PDZD7: variants seen among roughly 807,000 people sequenced by gnomAD.
PDZD7 encodes the protein PDZ domain containing 7, also known as PDZ domain-containing protein 7.
In PDZD7, 72 loss-of-function variants were observed where a neutral mutation model predicts 84.7. The ratio of observed to expected loss-of-function variants is 0.85; its 90% CI spans 0.70 to 1.03. The LOEUF is 1.03. Among genes scored for constraint, PDZD7 ranks in the 50% least tolerant of loss-of-function variants. PDZD7 has a pLI of 0.00. For missense variants in PDZD7, 1,490 were observed against 1,412.9 expected (o/e 1.05, Z -0.87); for synonymous variants, 594 against 580.7 (o/e 1.02, Z -0.33).
Position 101,010,631 on chromosome 10 carries a change from G to C in PDZD7, c.2258C>G (p.Thr753Arg), listed in dbSNP as rs1175879167. ...PRPLRPNWLLTEPLSREHPPQ... is the reference protein window; with the variant it reads ...PRPLRPNWLLREPLSREHPPQ... ...AGGGTGCTCTCGGCTCAGGGGTTCT[G>C]TCAGCAGCCAGTTAGGCCGCAGGGG... The change falls in exon 15 of 17, where the codon ACA becomes AGA. Residue 753 changes from threonine to arginine, a missense_variant. Transcript: ENST00000619208. 7 of 1,505,348 alleles carry C rather than the reference G, an allele frequency of 4.7e-6. No homozygotes were observed. The highest frequency in any genetic ancestry group is 6.2e-6 in the Non-Finnish European group (7 of 1,127,924). 93.2% of individuals were successfully genotyped at this position (1,505,348 alleles called of 1,614,324 possible).
Position 101,011,902 on chromosome 10 carries a change from A to G in PDZD7, c.1933+23T>C, listed in dbSNP as rs922732224. 4 of 1,549,420 alleles carry G rather than the reference A, an allele frequency of 2.6e-6. No individual in the cohort carries two copies. In the African/African-American group the frequency reaches 5.5e-5, roughly 21 times the overall value. ...ACCCCCAGCAGGGCTCAGGACCCAG[A>G]AGCCCCGCCCCCCACTGCTGACCTG... On this transcript the variant is annotated intron_variant, in intron 13 of 16. Coordinates refer to ENST00000619208, the MANE Select transcript of PDZD7 (RefSeq NM_001195263.2).
chr10:101,028,620 C>G (rs922537033), intron 2 of PDZD7, among the ~76,000 whole-genome samples: 1 of 148,764 alleles, frequency 6.7e-6, no homozygotes, highest in African/African-American at 2.5e-5. Flanking sequence ...AAAAAAAAGA[C>G]GTTATAAACA....
chr10:101,018,758 G>A, intron 8 of PDZD7, 64 bp downstream of exon 8: 1 of 1,497,692 alleles, frequency 6.7e-7, no homozygotes, highest in Non-Finnish European at 8.9e-7. Flanking sequence ...CCCGGGACAG[G>A]ATGTGAGACA....
chr10:101,012,659 G>A (rs764004808), intron 11 of PDZD7, among the ~76,000 whole-genome samples: 1 of 152,176 alleles, frequency 6.6e-6, no homozygotes, highest in Non-Finnish European at 1.5e-5. Context: ...ACTGGAACCC[G>A]GGAAGTCTAA....
In PDZD7 at chr10:101,010,688, G is replaced by A; in HGVS notation, c.2201C>T (p.Pro734Leu). The A allele has an allele frequency of 4.7e-6, 7 of 1,497,804 alleles. No individual in the cohort carries two copies. Among genetic ancestry groups the A allele is most frequent in the Non-Finnish European group, 5.3e-6 (6 of 1,122,162 alleles). 92.8% of individuals were successfully genotyped at this position (1,497,804 alleles called of 1,614,324 possible). The change falls in exon 15 of 17, where the codon CCC becomes CTC. Residue 734 changes from proline to leucine, a missense_variant. Physicochemically the swap from Pro to Leu is moderately conservative, Grantham distance 98. Coordinates refer to ENST00000619208, the MANE Select transcript of PDZD7 (RefSeq NM_001195263.2). Reference sequence around the variant, plus strand: ...AGCCACGGGGGGTAGCTGGGGAGGGGGTGTGCAGGCAATTCGGAGGGGGGT... The same window carrying A: ...AGCCACGGGGGGTAGCTGGGGAGGGAGTGTGCAGGCAATTCGGAGGGGGGT... ...AFTPLRIACT[P>L]PPQLPPVAPR... is the part of the protein sequence containing the mutation.
In PDZD7 at chr10:101,030,386, T is replaced by C. The variant is rs1206782059; in HGVS notation, c.-165-2A>G. 2 of 715,428 alleles carry C rather than the reference T, an allele frequency of 2.8e-6. No individual in the cohort carries two copies. Among genetic ancestry groups the C allele is most frequent in the Non-Finnish European group, 5.0e-6 (2 of 397,914 alleles). The allele number at this position is 715,428 out of a possible 1,614,324, so 44.3% of individuals were successfully genotyped here. A position where few individuals can be genotyped will look rare whatever the true frequency, so the allele number is the denominator to read the frequency against. ...CTCTCAGAAGTGTGAGCTCCAGGCC[T>C]GGGCAGGGAGAGCAGGGATGAGGGA... On this transcript the variant is annotated splice_acceptor_variant, in intron 1 of 16. Coordinates refer to ENST00000619208, the MANE Select transcript of PDZD7 (RefSeq NM_001195263.2). LOFTEE classifies it low-confidence loss of function (5UTR_SPLICE).
intron 2 of PDZD7, 46 bp from the exon 3 acceptor site, chr10:101,024,114 A>G: frequency 6.2e-7 from 1 of 1,613,956 alleles, no homozygotes; most frequent in Non-Finnish European, 8.5e-7. Context: ...CATTGTGGGC[A>G]CAGAGGGCCC....
chr10:101,028,961 AG>A (rs1035017586), intron 2 of PDZD7, among the ~76,000 whole-genome samples: 128 of 152,244 alleles, frequency 8.4e-4, no homozygotes, highest in African/African-American at 2.8e-3. Flanking sequence ...TGGCCTAGGG[AG>A]GGGAAGAGAG....
intron 9 of PDZD7, 49 bp downstream of exon 9, chr10:101,018,050 A>G (rs1418403871): frequency 1.2e-6 from 2 of 1,612,212 alleles, no homozygotes; most frequent in East Asian, 4.5e-5. Context: ...TGAATGCCGA[A>G]GCTAGTGGAC....
At chr10:101,020,518 G>A (rs1043635153) in intron 7 of PDZD7, 100 bp downstream of exon 7, 28 of 1,151,616 alleles carry the variant, frequency 2.4e-5, no homozygotes, top group Non-Finnish European at 3.6e-5. Flanking sequence ...GATTACAGGT[G>A]TAAGCCACCA....
At chr10:101,025,450 C>T (rs779284982) in intron 2 of PDZD7, among the ~76,000 whole-genome samples, 46 of 152,062 alleles carry the variant, frequency 3.0e-4, no homozygotes, top group Admixed American at 1.5e-3. Context: ...CCTCGTGATC[C>T]ACCTGCCTTG....
At chr10:101,014,887 A>G (rs1004098617) in intron 11 of PDZD7, among the ~76,000 whole-genome samples, 18 of 152,306 alleles carry the variant, frequency 1.2e-4, no homozygotes, top group African/African-American at 3.9e-4. Flanking sequence ...GCTCGCCCTC[A>G]CACACAGTGT....
rs150917752 is a variant in PDZD7, at chr10:101,030,064, G to A, written c.156C>T (p.Asn52=). Residue 52 remains asparagine (N), a synonymous_variant, in exon 2 of 17, where the codon AAC becomes AAT. Transcript: ENST00000619208. ...AGGCTCGGATTCCGCGGGGGGGCCCGTTCAGCAGCCGTTGTTGCTTCCTTA... is the reference window on the plus strand; with the variant it reads ...AGGCTCGGATTCCGCGGGGGGGCCCATTCAGCAGCCGTTGTTGCTTCCTTA... ...YLLRKQQRLL[N]GPPRGIRASS... 8.1e-4 allele frequency: 1,299 copies of A among 1,608,340 alleles called. 11 individuals are homozygous for A. In the East Asian group the frequency reaches 0.012, roughly 15 times the overall value.
Position 101,019,040 on chromosome 10 carries a change from G to A in PDZD7, c.1106C>T (p.Ala369Val), listed in dbSNP as rs756014531. The change falls in exon 8 of 17, where the codon GCC (alanine) becomes GTC (valine). Residue 369 changes from alanine (A) to valine (V), a missense_variant. Transcript: ENST00000619208. ...RGPGWGRADT[A>V]MQTEPDAGGR... ...TCCCGCATCGGGCTCCGTCTGCATGGCTGTGTCCGCCCGCCCCCAGCCTGG... is the reference window on the plus strand; with the variant it reads ...TCCCGCATCGGGCTCCGTCTGCATGACTGTGTCCGCCCGCCCCCAGCCTGG... The A allele has an allele frequency of 1.9e-6, 3 of 1,573,164 alleles. No homozygotes were observed. The highest frequency in any genetic ancestry group is 2.3e-5 in the South Asian group (2 of 86,728).
Position 101,019,062 on chromosome 10 carries a change from C to A in PDZD7, c.1084G>T (p.Gly362Cys), listed in dbSNP as rs536348228. ...ATGGCTGTGTCCGCCCGCCCCCAGC[C>A]TGGGCCGCGGCTGCCGGGCTCCTCC... ...GQEEPGSRGP[G>C]WGRADTAMQT... The change falls in exon 8 of 17, where the codon GGC becomes TGC. Residue 362 changes from glycine (G) to cysteine (C), a missense_variant. Transcript: ENST00000619208. 1 of 1,577,492 alleles carries A rather than the reference C, an allele frequency of 6.3e-7. No individual in the cohort carries two copies. The highest frequency in any genetic ancestry group is 8.6e-7 in the Non-Finnish European group (1 of 1,167,486).
At position 101,023,607 on chromosome 10, in the gene PDZD7, C is replaced by T. The variant is rs371205668; in HGVS notation, c.371G>A (p.Arg124Gln). Reference sequence around the variant, plus strand: ...CTTGTCCCCCACGCACAGGCCAGCCCGCTCTGCACCACAGGATGGGAGTGG... The same window carrying T: ...CTTGTCCCCCACGCACAGGCCAGCCTGCTCTGCACCACAGGATGGGAGTGG... ...SKVEEGSSAE[R>Q]AGLCVGDKIT... Residue 124 changes from arginine to glutamine, a missense_variant, in exon 4 of 17, where the codon CGG (arginine) becomes CAG (glutamine). Arg to Gln is a conservative substitution (Grantham distance 43). Coordinates refer to ENST00000619208, the MANE Select transcript of PDZD7 (RefSeq NM_001195263.2). The T allele has an allele frequency of 3.5e-5, 57 of 1,611,506 alleles. No homozygotes were observed. The highest frequency in any genetic ancestry group is 6.7e-5 in the Admixed American group (4 of 59,994).
intron 14 of PDZD7, 49 bp downstream of exon 14, chr10:101,011,641 A>G (rs1490447440): frequency 1.3e-6 from 2 of 1,530,362 alleles, no homozygotes; most frequent in East Asian, 4.9e-5. Flanking sequence ...TCCTTTCCCT[A>G]ATCTCCCCAG....
chr10:101,024,236 G>C (rs998475552), intron 2 of PDZD7, among the ~76,000 whole-genome samples, 168 bp from the exon 3 acceptor site: 10 of 152,166 alleles, frequency 6.6e-5, no homozygotes, highest in African/African-American at 2.2e-4. Context: ...AGGCCCCTCT[G>C]GGTGATTTTT....
In PDZD7 at chr10:101,010,608, G is replaced by A. The variant is rs1433658044; in HGVS notation, c.2281C>T (p.Pro761Ser). Residue 761 changes from proline to serine, a missense_variant, in exon 15 of 17, where the codon CCT becomes TCT. Coordinates refer to ENST00000619208, the MANE Select transcript of PDZD7 (RefSeq NM_001195263.2). The part of the protein sequence containing the change: ...LLTEPLSREH[P>S]PQSQIRGRAQ... ...CGGCCCCGGATCTGGCTCTGCGGAG[G>A]GTGCTCTCGGCTCAGGGGTTCTGTC... is the stretch of plus-strand genomic sequence containing the variant. 5 of 1,505,794 alleles carry A rather than the reference G, an allele frequency of 3.3e-6. No individual in the cohort carries two copies. The highest frequency in any genetic ancestry group is 1.3e-5 in the South Asian group (1 of 79,440). The allele number at this position is 1,505,794 out of a possible 1,614,324, so 93.3% of individuals were successfully genotyped here. A position where few individuals can be genotyped will look rare whatever the true frequency, so the allele number is the denominator to read the frequency against.
Sources: allele counts gnomAD v4.1 joint callset (sites outside exome capture counted in the v4.1 genomes callset), GRCh38; gene constraint gnomAD v4.1.1; transcripts MANE v1.5; gene names NCBI Gene and HGNC (gene_info 2026-07-23, HGNC 2026-07-21).